CMC1: variants seen among roughly 807,000 people sequenced by gnomAD.
CMC1 encodes the protein COX assembly mitochondrial protein homolog.
A neutral mutation model predicts 14.1 loss-of-function variants in CMC1; 14 were observed. That is an observed-to-expected ratio of 0.99 (90% CI 0.66 to 1.55). The LOEUF (loss-of-function observed/expected upper bound fraction) is 1.55. Among genes scored for constraint, CMC1 ranks in the 40% most tolerant of loss-of-function variants. The pLI is 0.00. For missense variants in CMC1, 127 were observed against 123.8 expected, an observed-to-expected ratio of 1.03 and a Z score of -0.12; for synonymous variants, 50 against 38.4, an observed-to-expected ratio of 1.30 and a Z score of -1.12.
intron 1 of CMC1, among the ~76,000 whole-genome samples, chr3:28,243,255 C>T (rs185244913): frequency 1.3e-5 from 2 of 151,960 alleles, no homozygotes; most frequent in Non-Finnish European, 2.9e-5. Context: ...GAGGTTTCGC[C>T]GTGTTCGCCA....
chr3:28,253,082 G>A (rs1319947332), intron 1 of CMC1, among the ~76,000 whole-genome samples: 6 of 152,164 alleles, frequency 3.9e-5, no homozygotes, highest in Non-Finnish European at 7.3e-5. Flanking sequence ...GTTATAGCAA[G>A]AAGGTATGAA....
chr3:28,301,225 A>G (rs1477950029), intron 2 of CMC1, among the ~76,000 whole-genome samples: 2 of 151,982 alleles, frequency 1.3e-5, no homozygotes, highest in Admixed American at 6.6e-5. Flanking sequence ...GAACCTATTT[A>G]TTTACTATTT....
intron 2 of CMC1, among the ~76,000 whole-genome samples, chr3:28,285,367 TGAG>T (rs1165556664): frequency 4.0e-5 from 6 of 151,726 alleles, no homozygotes; most frequent in South Asian, 2.1e-4. Flanking sequence ...TATTGTAGTA[TGAG>T]ATAAAGAGAG....
At chr3:28,253,625 C>G (rs1168593937) in intron 1 of CMC1, 2 of 542,096 alleles carry the variant, frequency 3.7e-6, no homozygotes, top group Non-Finnish European at 5.6e-6. Context: ...AAAACTCCCC[C>G]CAAAAAGCTA....
chr3:28,297,523 A>G (rs1489659372), intron 2 of CMC1, among the ~76,000 whole-genome samples: 1 of 152,108 alleles, frequency 6.6e-6, no homozygotes, highest in Non-Finnish European at 1.5e-5. Flanking sequence ...AGTGGGTGAC[A>G]GCAGTTTTAA....
chr3:28,269,550 C>T (rs1269739717), intron 2 of CMC1, among the ~76,000 whole-genome samples: 2 of 151,830 alleles, frequency 1.3e-5, no homozygotes, highest in Non-Finnish European at 2.9e-5. Flanking sequence ...AACCCATCAA[C>T]CCATTACCTA....
intron 2 of CMC1, among the ~76,000 whole-genome samples, chr3:28,304,543 A>G (rs1209172169): frequency 6.6e-6 from 1 of 152,150 alleles, no homozygotes; most frequent in Admixed American, 6.6e-5. Context: ...AAATTTTAAC[A>G]TAAAAACTGT....
intron 2 of CMC1, among the ~76,000 whole-genome samples, chr3:28,292,559 GTGA>G (rs1701527764): frequency 6.6e-6 from 1 of 152,044 alleles, no homozygotes; most frequent in Admixed American, 6.6e-5. Context: ...GCTTACTTTA[GTGA>G]TGATAGTCTC....
At chr3:28,258,335 T>C (rs1359912140) in intron 1 of CMC1, among the ~76,000 whole-genome samples, 1 of 151,616 alleles carries the variant, frequency 6.6e-6, no homozygotes, top group Non-Finnish European at 1.5e-5. Context: ...GTATAATTTA[T>C]TTTTACTGCC....
At chr3:28,294,163 G>T (rs1701626483) in intron 2 of CMC1, among the ~76,000 whole-genome samples, 1 of 152,084 alleles carries the variant, frequency 6.6e-6, no homozygotes, top group Non-Finnish European at 1.5e-5. Context: ...CTTCATGTAT[G>T]CCTATTAATG....
At chr3:28,273,772 A>T (rs745717789) in intron 2 of CMC1, among the ~76,000 whole-genome samples, 1 of 152,134 alleles carries the variant, frequency 6.6e-6, no homozygotes, top group African/African-American at 2.4e-5. Context: ...TGCTTTATGA[A>T]TCTGGGTCCT....
intron 2 of CMC1, among the ~76,000 whole-genome samples, chr3:28,300,331 T>C (rs1296472814): frequency 6.6e-6 from 1 of 152,134 alleles, no homozygotes; most frequent in Admixed American, 6.5e-5. Flanking sequence ...TATCCAAATT[T>C]ATATTCGAGA....
intron 2 of CMC1, chr3:28,292,956 T>A (rs181174928): frequency 4.6e-5 from 7 of 152,340 alleles, no homozygotes; most frequent in Admixed American, 4.6e-4. Flanking sequence ...GGAATTCGCA[T>A]GTATCCAGGT....
intron 1 of CMC1, among the ~76,000 whole-genome samples, chr3:28,255,823 C>A (rs1378660988): frequency 6.6e-6 from 1 of 151,508 alleles, no homozygotes; most frequent in Non-Finnish European, 1.5e-5. Flanking sequence ...GTTTGTCTAC[C>A]TTTACATAGG....
At chr3:28,255,478 T>C (rs571666889) in intron 1 of CMC1, among the ~76,000 whole-genome samples, 6 of 152,072 alleles carry the variant, frequency 3.9e-5, no homozygotes, top group African/African-American at 1.4e-4. Context: ...ACTCCTGGCC[T>C]CAAGTGAGCC....
Position 28,263,377 on chromosome 3 carries a change from C to A in CMC1, c.106C>A (p.Gln36Lys). ...CAAAGAGAGGTGTTCTGAACAAGTTCAAGGTAACATTCAAATATTCATGTA... is the reference window on the plus strand; with the variant it reads ...CAAAGAGAGGTGTTCTGAACAAGTTAAAGGTAACATTCAAATATTCATGTA... ...KAKERCSEQV[Q>K]DFTKCCKNSG... The change falls in exon 2 of 4, where the codon CAA becomes AAA. Residue 36 changes from glutamine (Q) to lysine (K), a missense_variant. By Grantham distance (53) the Gln-to-Lys change is moderately conservative. Transcript: ENST00000466830. 6.4e-7 allele frequency: 1 copy of A among 1,569,544 alleles called. No homozygotes were observed. The highest frequency in any genetic ancestry group is 2.3e-5 in the East Asian group (1 of 43,944).
In CMC1 at chr3:28,324,513, G is replaced by A. The variant is rs1703309139; in HGVS notation, c.*4884G>A. On this transcript the variant is annotated 3_prime_UTR_variant, in exon 4 of 4. Coordinates refer to ENST00000466830, the MANE Select transcript of CMC1 (RefSeq NM_182523.2). ...CATTACATTTGTGATCATAAAATTC[G>A]ATAACACTTCACCAATTTGAATTCT... is the stretch of plus-strand genomic sequence containing the variant. 3.7e-6 allele frequency: 5 copies of A among 1,359,284 alleles called. No homozygotes were observed. The highest frequency in any genetic ancestry group is 2.6e-5 in the Admixed American group (1 of 38,776). 84.2% of individuals were successfully genotyped at this position (1,359,284 alleles called of 1,614,324 possible). A position where few individuals can be genotyped will look rare whatever the true frequency, so the allele number is the denominator to read the frequency against.
intron 2 of CMC1, among the ~76,000 whole-genome samples, chr3:28,289,422 G>A (rs996584134): frequency 6.6e-6 from 1 of 151,988 alleles, no homozygotes; most frequent in African/African-American, 2.4e-5. Flanking sequence ...TAAAAGCCGA[G>A]TATAACATGA....
intron 2 of CMC1, among the ~76,000 whole-genome samples, chr3:28,267,083 A>G (rs757238622): frequency 1.3e-5 from 2 of 152,104 alleles, no homozygotes; most frequent in Non-Finnish European, 2.9e-5. Flanking sequence ...TCTTAGGGAG[A>G]TGGTTTGACA....
Sources: allele counts gnomAD v4.1 joint callset (sites outside exome capture counted in the v4.1 genomes callset), GRCh38; gene constraint gnomAD v4.1.1; transcripts MANE v1.5; gene names NCBI Gene and HGNC (gene_info 2026-07-23, HGNC 2026-07-21).